Variants in CADPS observed in about 807,000 individuals in gnomAD.
The protein encoded by CADPS is calcium-dependent secretion activator 1.
A neutral mutation model predicts 167.3 loss-of-function variants in CADPS; 57 were observed. The observed-to-expected ratio is 0.34, with a 90% confidence interval of 0.28 to 0.42. The LOEUF (loss-of-function observed/expected upper bound fraction) is 0.42. Ranked by LOEUF, CADPS falls within the 20% of genes least tolerant of loss-of-function variation. CADPS has a pLI of 1.00. For missense variants in CADPS, 1,414 were observed against 1,738.1 expected, an observed-to-expected ratio of 0.81 and a Z score of 3.32; for synonymous variants, 676 against 635.3, an observed-to-expected ratio of 1.06 and a Z score of -0.96.
chr3:62,416,581 G>A (rs2050102022), intron 28 of CADPS, among the ~76,000 whole-genome samples: 1 of 152,162 alleles, frequency 6.6e-6, no homozygotes, highest in Non-Finnish European at 1.5e-5. Flanking sequence ...ATTTGAGGCT[G>A]TGAAACGCCT....
At chr3:62,867,774 T>C (rs1213453138) in intron 1 of CADPS, among the ~76,000 whole-genome samples, 2 of 151,600 alleles carry the variant, frequency 1.3e-5, no homozygotes, top group African/African-American at 4.9e-5. Flanking sequence ...GACACTTGTA[T>C]TGCACTTACA....
chr3:62,801,497 A>T (rs566500075), intron 1 of CADPS, among the ~76,000 whole-genome samples: 1 of 152,240 alleles, frequency 6.6e-6, no homozygotes, highest in African/African-American at 2.4e-5. Context: ...TCCTTAAGGA[A>T]TTTTTATGCT....
At chr3:62,868,138 C>T (rs1278115622) in intron 1 of CADPS, among the ~76,000 whole-genome samples, 1 of 152,064 alleles carries the variant, frequency 6.6e-6, no homozygotes, top group Admixed American at 6.6e-5. Flanking sequence ...TAATTTTGAT[C>T]ATCGGCCCTC....
At chr3:62,567,488 TGATTCCAAGA>T (rs879601065) in intron 9 of CADPS, among the ~76,000 whole-genome samples, 74 of 145,440 alleles carry the variant, frequency 5.1e-4, no homozygotes, top group Non-Finnish European at 8.4e-4. Context: ...TGCTCCCAAG[TGATTCCAAGA>T]GAGACTGCTG....
At chr3:62,443,453 G>A (rs542493759) in intron 27 of CADPS, among the ~76,000 whole-genome samples, 1 of 152,140 alleles carries the variant, frequency 6.6e-6, no homozygotes, top group African/African-American at 2.4e-5. Context: ...TTTCCTCATA[G>A]CCTAATGACA....
chr3:62,831,294 G>A (rs751033719), intron 1 of CADPS, among the ~76,000 whole-genome samples: 3 of 152,184 alleles, frequency 2.0e-5, no homozygotes, highest in African/African-American at 4.8e-5. Flanking sequence ...AGAGAGAGGT[G>A]AAATAACTTT....
intron 13 of CADPS, among the ~76,000 whole-genome samples, chr3:62,519,400 C>T (rs17689369): frequency 0.025 from 3,870 of 152,230 alleles, 76 homozygotes; most frequent in Non-Finnish European, 0.038. Context: ...CCTCCTGTTA[C>T]GGGTTAATCA....
At chr3:62,404,427 C>T (rs1707607075) in intron 28 of CADPS, 1 of 152,620 alleles carries the variant, frequency 6.6e-6, no homozygotes, top group Admixed American at 6.5e-5. Context: ...GCCTAACACT[C>T]ACAGTTTTTC....
At chr3:62,769,180 G>C (rs2087792502) in intron 1 of CADPS, among the ~76,000 whole-genome samples, 1 of 151,900 alleles carries the variant, frequency 6.6e-6, no homozygotes, top group South Asian at 2.1e-4. Flanking sequence ...CTTAGCACAG[G>C]ATGAATGCTC....
At chr3:62,512,719 G>A (rs759171915) in intron 17 of CADPS, 32 bp downstream of exon 17, 5 of 1,568,822 alleles carry the variant, frequency 3.2e-6, no homozygotes, top group African/African-American at 1.4e-5. Context: ...CAACAGTCCT[G>A]ATAATTTATA....
intron 3 of CADPS, among the ~76,000 whole-genome samples, chr3:62,733,002 C>T (rs540928832): frequency 1.3e-5 from 2 of 152,324 alleles, no homozygotes; most frequent in African/African-American, 4.8e-5. Context: ...TGGCTTTTCT[C>T]TTATGCTCCC....
chr3:62,471,228 G>A, intron 24 of CADPS, among the ~76,000 whole-genome samples: 1 of 152,090 alleles, frequency 6.6e-6, no homozygotes, highest in Non-Finnish European at 1.5e-5. Flanking sequence ...TATAAAACCA[G>A]ACTCCCAGGT....
At chr3:62,401,680 G>T (rs1467245353) in intron 29 of CADPS, among the ~76,000 whole-genome samples, 1 of 151,930 alleles carries the variant, frequency 6.6e-6, no homozygotes, top group Non-Finnish European at 1.5e-5. Context: ...TAAAGTGAAG[G>T]GGTTCCTTTG....
chr3:62,429,513 T>G (rs1014490715), intron 28 of CADPS, among the ~76,000 whole-genome samples: 1 of 152,202 alleles, frequency 6.6e-6, no homozygotes, highest in South Asian at 2.1e-4. Context: ...GTTACTTGTT[T>G]AATAAATGAG....
In CADPS at chr3:62,403,356, G is replaced by A. The variant is rs371669065; in HGVS notation, c.3778-171C>T. 40 of 551,990 alleles carry A rather than the reference G, an allele frequency of 7.2e-5. No homozygotes were observed. In the South Asian group the frequency reaches 7.8e-4, roughly 11 times the overall value. 34.2% of individuals were successfully genotyped at this position (551,990 alleles called of 1,614,324 possible). ...AACGTTAGTTAGTTTATACAAAATT[G>A]CAAGGTACTGGGTACTGGACCAATC... On this transcript the variant is annotated intron_variant, in intron 28 of 29. Coordinates refer to ENST00000383710, the MANE Select transcript of CADPS (RefSeq NM_003716.4).
intron 3 of CADPS, among the ~76,000 whole-genome samples, chr3:62,675,238 C>T (rs1346288092): frequency 6.6e-6 from 1 of 151,522 alleles, no homozygotes; most frequent in African/African-American, 2.4e-5. Flanking sequence ...TCTTGTGGCC[C>T]TAACCTAGCT....
chr3:62,456,250 C>G (rs2058672143), intron 26 of CADPS, among the ~76,000 whole-genome samples: 1 of 152,164 alleles, frequency 6.6e-6, no homozygotes, highest in South Asian at 2.1e-4. Context: ...CATGAACCAT[C>G]TGTATTATAG....
intron 3 of CADPS, among the ~76,000 whole-genome samples, chr3:62,705,417 T>C (rs1403572269): frequency 6.6e-6 from 1 of 152,144 alleles, no homozygotes; most frequent in Non-Finnish European, 1.5e-5. Flanking sequence ...CGATGGTTAA[T>C]ATTGAGTGTC....
At chr3:62,538,912 A>C (rs529350530) in intron 11 of CADPS, among the ~76,000 whole-genome samples, 4 of 152,140 alleles carry the variant, frequency 2.6e-5, no homozygotes, top group Non-Finnish European at 5.9e-5. Flanking sequence ...CCCACCCCTC[A>C]GTCCATCACA....
Sources: allele counts gnomAD v4.1 joint callset (sites outside exome capture counted in the v4.1 genomes callset), GRCh38; gene constraint gnomAD v4.1.1; transcripts MANE v1.5; gene names NCBI Gene and HGNC (gene_info 2026-07-23, HGNC 2026-07-21).